GTF2A1: variants seen among roughly 807,000 people sequenced by gnomAD.
GTF2A1 encodes general transcription factor IIA subunit 1.
Under a neutral mutation model 54.1 loss-of-function variants are expected in GTF2A1, and 12 were observed. The observed-to-expected ratio is 0.22, with a 90% CI of 0.14 to 0.36. The LOEUF (loss-of-function observed/expected upper bound fraction) is 0.36, where lower values mean the gene tolerates loss of function less well. Among genes scored for constraint, GTF2A1 ranks in the 10% least tolerant of loss-of-function variants. The pLI is 1.00. For synonymous variants in GTF2A1, 145 were observed against 152.0 expected (o/e 0.95, Z 0.34); for missense variants, 335 against 442.2 (o/e 0.76, Z 2.17).
intron 2 of GTF2A1, among the ~76,000 whole-genome samples, chr14:81,207,292 C>T (rs1260140393): frequency 2.6e-5 from 4 of 152,078 alleles, no homozygotes. Context: ...ACCATGGGGG[C>T]CGGTCTTTCC....
chr14:81,176,886 G>A lies in GTF2A1; in HGVS notation c.*3337C>T, dbSNP rs1172312402. 1 of 151,988 alleles carries A rather than the reference G, an allele frequency of 6.6e-6. No homozygotes were observed. Among genetic ancestry groups the A allele is most frequent in the Non-Finnish European group, 1.5e-5 (1 of 67,942 alleles). The allele number at this position is 151,988 out of a possible 1,614,324, so 9.4% of individuals were successfully genotyped here. On this transcript the variant is annotated 3_prime_UTR_variant, in exon 9 of 9. Transcript: ENST00000553612. ...GGAAAAACAGGAATTTTCTCAAGTA[G>A]AAGAAAATGCTAAGTCATAAAGAGA...
At chr14:81,196,264 C>A in intron 5 of GTF2A1, 23 bp from the exon 6 acceptor site, 1 of 1,613,328 alleles carries the variant, frequency 6.2e-7, no homozygotes, top group Non-Finnish European at 8.5e-7. Context: ...GCATGCATTC[C>A]GAGTTATCAT....
chr14:81,212,597 T>C lies in GTF2A1; in HGVS notation c.132+3816A>G, dbSNP rs77237951. 8.7e-4 allele frequency among the ~76,000 whole-genome samples: 132 copies of C among 152,338 alleles called. 1 individual carries two copies. Among genetic ancestry groups the C allele is most frequent in the African/African-American group, 3.1e-3 (129 of 41,574 alleles). On this transcript the variant is annotated intron_variant, in intron 2 of 8. Transcript: ENST00000553612. ...TTCACCACTGCCTCCTTTACAGCCT[T>C]ATACAAGCTTTTGATAAGTTTGTAA...
intron 8 of GTF2A1, among the ~76,000 whole-genome samples, chr14:81,184,681 C>T (rs972462290): frequency 2.0e-5 from 3 of 152,088 alleles, no homozygotes; most frequent in East Asian, 3.9e-4. Flanking sequence ...TCATGCAAGG[C>T]ATGAATTTTA....
At chr14:81,212,890 C>T (rs943731973) in intron 2 of GTF2A1, among the ~76,000 whole-genome samples, 2 of 152,224 alleles carry the variant, frequency 1.3e-5, no homozygotes, top group African/African-American at 4.8e-5. Context: ...ACTTTCATCA[C>T]TGCAGAAAGT....
intron 4 of GTF2A1, among the ~76,000 whole-genome samples, chr14:81,198,008 A>C (rs1219456449): frequency 6.6e-6 from 1 of 152,224 alleles, no homozygotes; most frequent in Non-Finnish European, 1.5e-5. Context: ...TATAAAGAAC[A>C]CTGTATCAGA....
Position 81,220,578 on chromosome 14 carries a change from C to CAAAA in GTF2A1, c.-64_-61dup. 17 of 1,002,326 alleles carry CAAAA rather than the reference C, an allele frequency of 1.7e-5. No homozygotes were observed. Among genetic ancestry groups the CAAAA allele is most frequent in the South Asian group, 7.0e-5 (4 of 57,098 alleles). The allele number at this position is 1,002,326 out of a possible 1,614,324, so 62.1% of individuals were successfully genotyped here. A position where few individuals can be genotyped will look rare whatever the true frequency, so the allele number is the denominator to read the frequency against. On this transcript the variant is annotated 5_prime_UTR_variant, in exon 1 of 9. Coordinates refer to ENST00000553612, the MANE Select transcript of GTF2A1 (RefSeq NM_015859.4). ...CAAGAAAACAAGATAAAAACAAAACCAAAAAAAAAAAAACTATAACACCCG... is the reference window on the plus strand; with the variant it reads ...CAAGAAAACAAGATAAAAACAAAACCAAAAAAAAAAAAAAAAACTATAACACCCG...
chr14:81,205,777 G>A (rs1038093867), intron 2 of GTF2A1, among the ~76,000 whole-genome samples: 5 of 152,192 alleles, frequency 3.3e-5, no homozygotes, highest in African/African-American at 1.2e-4. Flanking sequence ...GCGAAAGACA[G>A]CGCTTCTTCC....
intron 7 of GTF2A1, among the ~76,000 whole-genome samples, chr14:81,191,828 CTA>C (rs1218939920): frequency 1.3e-5 from 2 of 152,048 alleles, no homozygotes; most frequent in African/African-American, 2.4e-5. Context: ...CAATAATAAA[CTA>C]TGTTTTCTTC....
At chr14:81,211,886 T>C (rs915969174) in intron 2 of GTF2A1, among the ~76,000 whole-genome samples, 7 of 134,708 alleles carry the variant, frequency 5.2e-5, no homozygotes, top group African/African-American at 1.8e-4. Context: ...TATATATATA[T>C]ATATATATAT....
chr14:81,201,628 G>A lies in GTF2A1; in HGVS notation c.368C>T (p.Ser123Phe). ...TGCATTCATATGCTGTATCAACTTA[G>A]AATCTGGAACAATAACTTGTGGTGC... ...ATAPQVIVPD[S>F]KLIQHMNASN... The change falls in exon 4 of 9, where the codon TCT becomes TTT. Residue 123 changes from serine (S) to phenylalanine (F), a missense_variant. Transcript: ENST00000553612. The A allele has an allele frequency of 6.2e-7, 1 of 1,610,516 alleles. No homozygotes were observed. Among genetic ancestry groups the A allele is most frequent in the Non-Finnish European group, 8.5e-7 (1 of 1,176,822 alleles).
At chr14:81,207,589 T>C (rs1043023521) in intron 2 of GTF2A1, among the ~76,000 whole-genome samples, 12 of 152,216 alleles carry the variant, frequency 7.9e-5, no homozygotes, top group African/African-American at 2.9e-4. Context: ...ACTGTGGAAC[T>C]GTGTAACAGG....
rs570621928 is a variant in GTF2A1, at chr14:81,210,755, G to T, written c.132+5658C>A. Reference sequence around the variant, plus strand: ...TTTTTAGTAGATACGGGGTTTCACCGTGTTGGCCAGGCTGTTCTCAAACTC... The same window carrying T: ...TTTTTAGTAGATACGGGGTTTCACCTTGTTGGCCAGGCTGTTCTCAAACTC... On this transcript the variant is annotated intron_variant, in intron 2 of 8. Transcript: ENST00000553612. 1.7e-4 allele frequency among the ~76,000 whole-genome samples: 26 copies of T among 151,988 alleles called. No homozygotes were observed. In the East Asian group the frequency reaches 4.7e-3, roughly 27 times the overall value.
Position 81,200,298 on chromosome 14 carries a change from C to A in GTF2A1, c.402+1296G>T, listed in dbSNP as rs1482878305. 4.6e-5 allele frequency among the ~76,000 whole-genome samples: 7 copies of A among 152,080 alleles called. 1 individual carries two copies. Among genetic ancestry groups the A allele is most frequent in the Non-Finnish European group, 1.0e-4 (7 of 68,022 alleles). ...ATTCAGTATCACTCACAAAGTAGAA[C>A]TCATCTTTTCATACACTGCTTTTTG... On this transcript the variant is annotated intron_variant, in intron 4 of 8. Coordinates refer to ENST00000553612, the MANE Select transcript of GTF2A1 (RefSeq NM_015859.4).
At chr14:81,214,285 G>T (rs1349485624) in intron 2 of GTF2A1, among the ~76,000 whole-genome samples, 2 of 152,092 alleles carry the variant, frequency 1.3e-5, no homozygotes, top group Non-Finnish European at 2.9e-5. Flanking sequence ...TAGATTTAAA[G>T]GAGCCTAATA....
chr14:81,206,979 C>T (rs1893245889), intron 2 of GTF2A1, among the ~76,000 whole-genome samples: 2 of 152,114 alleles, frequency 1.3e-5, no homozygotes, highest in Non-Finnish European at 2.9e-5. Flanking sequence ...ATGTTAAATA[C>T]TATTAATTCT....
intron 2 of GTF2A1, among the ~76,000 whole-genome samples, chr14:81,210,743 C>T (rs140855718): frequency 0.03 from 4,572 of 152,014 alleles, 100 homozygotes; most frequent in Middle Eastern, 0.061. Context: ...TTAGTAGATA[C>T]GGGGTTTCAC....
intron 7 of GTF2A1, among the ~76,000 whole-genome samples, chr14:81,185,931 C>T (rs1286802387): frequency 6.6e-6 from 1 of 152,220 alleles, no homozygotes; most frequent in African/African-American, 2.4e-5. Flanking sequence ...CGGCTCACTG[C>T]AACCTCTGCC....
intron 3 of GTF2A1, among the ~76,000 whole-genome samples, 153 bp from the exon 4 acceptor site, chr14:81,201,811 A>C (rs1331081836): frequency 6.6e-6 from 1 of 152,176 alleles, no homozygotes; most frequent in East Asian, 1.9e-4. Context: ...GGACATTATA[A>C]ATGTATATGG....
Sources: allele counts gnomAD v4.1 joint callset (sites outside exome capture counted in the v4.1 genomes callset), GRCh38; gene constraint gnomAD v4.1.1; transcripts MANE v1.5; gene names NCBI Gene and HGNC (gene_info 2026-07-23, HGNC 2026-07-21).